Variants in BARX2 observed in about 807,000 individuals in gnomAD.
BARX2 encodes the protein homeobox protein BarH-like 2.
A neutral mutation model predicts 25.5 loss-of-function variants in BARX2; 11 were observed. The ratio of observed to expected loss-of-function variants is 0.43; its 90% CI spans 0.27 to 0.71. BARX2 has a LOEUF of 0.71. Ranked by LOEUF, BARX2 falls within the 30% of genes least tolerant of loss-of-function variation. BARX2 has a pLI of 0.19. For synonymous variants in BARX2, 137 were observed against 149.5 expected, an observed-to-expected ratio of 0.92 and a Z score of 0.61; for missense variants, 360 against 359.9, an observed-to-expected ratio of 1.00 and a Z score of 0.00.
intron 1 of BARX2, among the ~76,000 whole-genome samples, chr11:129,417,372 T>C (rs1861956532): frequency 6.6e-6 from 1 of 152,304 alleles, no homozygotes. Context: ...GAATATTTCT[T>C]ATCTCCTGCT....
intron 1 of BARX2, among the ~76,000 whole-genome samples, chr11:129,403,992 C>T (rs183854773): frequency 1.5e-3 from 234 of 152,302 alleles, no homozygotes; most frequent in African/African-American, 5.3e-3. Flanking sequence ...AAGGACACCA[C>T]CAGAACAAGG....
chr11:129,412,360 T>TCCAAG, intron 1 of BARX2, among the ~76,000 whole-genome samples: 1 of 152,286 alleles, frequency 6.6e-6, no homozygotes, highest in Non-Finnish European at 1.5e-5. Flanking sequence ...CTTGGAATGT[T>TCCAAG]TATGATTCAG....
chr11:129,379,822 A>G (rs897768978), intron 1 of BARX2, among the ~76,000 whole-genome samples: 3 of 152,108 alleles, frequency 2.0e-5, no homozygotes, highest in African/African-American at 7.2e-5. Flanking sequence ...ACCTAGAATT[A>G]CCTTACATTT....
intron 1 of BARX2, among the ~76,000 whole-genome samples, chr11:129,403,877 G>A (rs1317797234): frequency 1.3e-5 from 2 of 152,000 alleles, no homozygotes; most frequent in African/African-American, 2.4e-5. Flanking sequence ...GATGTGTGCT[G>A]CCATGCCCAG....
At chr11:129,426,462 TATCGAGTTAAAGCA>T (rs1434506388) in intron 1 of BARX2, among the ~76,000 whole-genome samples, 1 of 152,010 alleles carries the variant, frequency 6.6e-6, no homozygotes, top group Non-Finnish European at 1.5e-5. Context: ...AACCTCCATC[TATCGAGTTAAAGCA>T]ATTCATCTGC....
At chr11:129,377,695 G>T (rs1428198195) in intron 1 of BARX2, among the ~76,000 whole-genome samples, 1 of 152,174 alleles carries the variant, frequency 6.6e-6, no homozygotes, top group African/African-American at 2.4e-5. Context: ...ATCATCCTTT[G>T]TTATAATAAC....
intron 1 of BARX2, among the ~76,000 whole-genome samples, chr11:129,383,464 C>T (rs982430791): frequency 2.6e-5 from 4 of 152,130 alleles, no homozygotes; most frequent in African/African-American, 4.8e-5. Context: ...GGCCTCTGTC[C>T]GTAGTCACTA....
chr11:129,392,517 A>C (rs1861675838), intron 1 of BARX2, among the ~76,000 whole-genome samples: 1 of 152,212 alleles, frequency 6.6e-6, no homozygotes, highest in Non-Finnish European at 1.5e-5. Context: ...AAAAACAATA[A>C]TAATAACAAT....
At chr11:129,401,238 T>C (rs1336195487) in intron 1 of BARX2, among the ~76,000 whole-genome samples, 1 of 151,976 alleles carries the variant, frequency 6.6e-6, no homozygotes, top group East Asian at 1.9e-4. Flanking sequence ...TTGGCTAAGG[T>C]AGGAAAGAGA....
At chr11:129,429,994 T>C (rs1862111451) in intron 1 of BARX2, among the ~76,000 whole-genome samples, 1 of 152,184 alleles carries the variant, frequency 6.6e-6, no homozygotes, top group Non-Finnish European at 1.5e-5. Flanking sequence ...TTTCTAACTT[T>C]CTCTTCCCCC....
chr11:129,388,820 T>C (rs1861640362), intron 1 of BARX2, among the ~76,000 whole-genome samples: 1 of 152,212 alleles, frequency 6.6e-6, no homozygotes. Context: ...ACGACTCAAA[T>C]GTATGAAACC....
At chr11:129,397,280 C>CA (rs35729336) in intron 1 of BARX2, among the ~76,000 whole-genome samples, 303 of 111,032 alleles carry the variant, frequency 2.7e-3, no homozygotes, top group East Asian at 6.7e-3. Context: ...ACCCTGTCTC[C>CA]AAAAAAAAAA....
At chr11:129,416,884 T>C (rs1210463172) in intron 1 of BARX2, among the ~76,000 whole-genome samples, 1 of 151,188 alleles carries the variant, frequency 6.6e-6, no homozygotes, top group Non-Finnish European at 1.5e-5. Context: ...TGTTTTTTTT[T>C]TTTTTTAATT....
rs1442518514 is a variant in BARX2, at chr11:129,376,110, C to A, written c.75C>A (p.Phe25Leu). Residue 25 changes from phenylalanine (F) to leucine (L), a missense_variant, in exon 1 of 4, where the codon TTC becomes TTA. Physicochemically the swap from Phe to Leu is conservative, Grantham distance 22. Around this residue, in one of 3 missense-constraint regions of BARX2, gnomAD observed 240 missense variants for 228.7 expected, o/e 1.05. Transcript: ENST00000281437. The surrounding 1 kb of genome is among the most constrained non-coding windows in gnomAD (Gnocchi z 4.2). Reference protein sequence around the residue: ...LKAARRRYKTFMIDEILSKET... With the variant: ...LKAARRRYKTLMIDEILSKET... ...CAGCCAGGCGGCGCTACAAGACTTT[C>A]ATGATCGACGAGATCCTCTCCAAGG... The A allele has an allele frequency of 9.3e-6, 15 of 1,613,200 alleles. No homozygotes were observed. In the Admixed American group the frequency reaches 2.0e-4, roughly 22 times the overall value.
intron 2 of BARX2, 162 bp from the exon 3 acceptor site, chr11:129,442,673 T>C (rs1339869120): frequency 5.7e-6 from 4 of 705,536 alleles, no homozygotes; most frequent in Non-Finnish European, 5.2e-6. Context: ...TGTTGGATTC[T>C]TGGAAGGAAA....
At chr11:129,397,568 T>C (rs1565511533) in intron 1 of BARX2, among the ~76,000 whole-genome samples, 2 of 152,228 alleles carry the variant, frequency 1.3e-5, no homozygotes, top group South Asian at 2.1e-4. Flanking sequence ...ACAACACTTA[T>C]CGTTTCAACT....
intron 1 of BARX2, among the ~76,000 whole-genome samples, chr11:129,416,976 A>G (rs1162531323): frequency 1.3e-5 from 2 of 150,622 alleles, no homozygotes; most frequent in Non-Finnish European, 2.9e-5. Flanking sequence ...ATCTCAGCTC[A>G]CTGCAAGCTC....
rs533278329 is a variant in BARX2 at position 129,411,264 on chromosome 11, G to A, written c.188-25487G>A. ...CAGATGCCTGTAGTCCCAGCTACTC[G>A]GGAGGCTGAGGCAGGAGAATGGCGT... is the stretch of plus-strand genomic sequence containing the variant. On this transcript the variant is annotated intron_variant, in intron 1 of 3. Coordinates refer to ENST00000281437, the MANE Select transcript of BARX2 (RefSeq NM_003658.5). Among the ~76,000 whole-genome samples the A allele has an allele frequency of 1.4e-4, 21 of 151,992 alleles. No homozygotes were observed. In the South Asian group the frequency reaches 3.7e-3, roughly 27 times the overall value.
chr11:129,406,425 G>A (rs1430693760), intron 1 of BARX2, among the ~76,000 whole-genome samples: 2 of 152,156 alleles, frequency 1.3e-5, no homozygotes. Context: ...TCATATTCCC[G>A]GGCTGTATTG....
Sources: allele counts gnomAD v4.1 joint callset (sites outside exome capture counted in the v4.1 genomes callset), GRCh38; gene constraint gnomAD v4.1.1; regional missense constraint gnomAD v4.1.1; non-coding constraint Gnocchi (gnomAD v3.1); transcripts MANE v1.5; gene names NCBI Gene and HGNC (gene_info 2026-07-23, HGNC 2026-07-21).